The following MATR3 variants were observed in gnomAD, a reference collection of about 807,000 sequenced individuals.
MATR3 encodes matrin-3.
In MATR3, 4 loss-of-function variants were observed where a neutral mutation model predicts 85.5. The observed-to-expected ratio is 0.05, with a 90% CI of 0.02 to 0.11. The LOEUF is 0.11. Ranked by LOEUF, MATR3 falls within the 10% of genes least tolerant of loss-of-function variation. The probability of loss-of-function intolerance (pLI) is 1.00; values close to 1 mark genes in which losing one functional copy is unlikely to be tolerated. For missense variants in MATR3, 685 were observed against 1,016.1 expected, an observed-to-expected ratio of 0.67 and a Z score of 4.43; for synonymous variants, 336 against 343.1, an observed-to-expected ratio of 0.98 and a Z score of 0.23.
chr5:139,289,632 T>A (rs1005672541), upstream of MATR3, among the ~76,000 whole-genome samples: 5 of 152,204 alleles, frequency 3.3e-5, no homozygotes, highest in African/African-American at 1.2e-4. Context: ...GGAAATTATC[T>A]TTCTTCCCTA....
chr5:139,320,240 C>T (rs894662125), intron 9 of MATR3, among the ~76,000 whole-genome samples: 4 of 151,608 alleles, frequency 2.6e-5, no homozygotes, highest in Admixed American at 6.6e-5. Context: ...ACCCGGGAGG[C>T]GGAGCTTGCA....
intron 3 of MATR3, chr5:139,282,730 CTGTT>C (rs1688150648): frequency 6.6e-6 from 1 of 152,206 alleles, no homozygotes; most frequent in Non-Finnish European, 1.5e-5. Context: ...TGTCTTTTGT[CTGTT>C]CTAGGATCCC....
At chr5:139,304,930 A>C in intron 1 of MATR3, among the ~76,000 whole-genome samples, 1 of 152,194 alleles carries the variant, frequency 6.6e-6, no homozygotes, top group Non-Finnish European at 1.5e-5. Flanking sequence ...TGATAGAGGA[A>C]CTGTTTTCAT....
chr5:139,278,512 T>A (rs1331648935), intron 2 of MATR3: 23 of 384,504 alleles, frequency 6.0e-5, no homozygotes, highest in Non-Finnish European at 3.7e-5. Flanking sequence ...TTAACCTGTA[T>A]TTGTAAGATC....
chr5:139,290,569 C>G (rs1201554059), upstream of MATR3, among the ~76,000 whole-genome samples: 1 of 149,978 alleles, frequency 6.7e-6, no homozygotes, highest in African/African-American at 2.5e-5. Context: ...CTACCCCTGC[C>G]CCGGAGTAGC....
At chr5:139,316,277 C>A in intron 5 of MATR3, 89 bp downstream of exon 5, 1 of 968,764 alleles carries the variant, frequency 1.0e-6, no homozygotes, top group Non-Finnish European at 1.6e-6. Context: ...TGGGGTTTTG[C>A]TCTTATCGCC....
chr5:139,317,585 C>G lies in MATR3; in HGVS notation c.1183-11C>G. 2 of 1,595,274 alleles carry G rather than the reference C, an allele frequency of 1.3e-6. No individual in the cohort carries two copies. The highest frequency in any genetic ancestry group is 1.7e-6 in the Non-Finnish European group (2 of 1,166,492). On this transcript the variant is annotated splice_polypyrimidine_tract_variant and intron_variant, in intron 6 of 14. Transcript: ENST00000394805. ...GACTTAATTGCTTGGTTTTTTTCCC[C>G]TAATGGATAGGAAACTAGCAGAGTT...
rs994858084 is a variant in MATR3 at position 139,321,704 on chromosome 5, G to A, written c.1603-194G>A. 2.7e-5 allele frequency: 16 copies of A among 599,542 alleles called. 1 individual carries two copies. In the East Asian group the frequency reaches 4.7e-4, roughly 18 times the overall value. The allele number at this position is 599,542 out of a possible 1,614,324, so 37.1% of individuals were successfully genotyped here. A position where few individuals can be genotyped will look rare whatever the true frequency, so the allele number is the denominator to read the frequency against. ...GGGCTAAGGTGGGAGGATCAGTTGG[G>A]CCCAGTACATCAACGCTTCAGCAAG... is the stretch of plus-strand genomic sequence containing the variant. On this transcript the variant is annotated intron_variant, in intron 9 of 14. Transcript: ENST00000394805.
intron 3 of MATR3, among the ~76,000 whole-genome samples, chr5:139,286,278 A>G (rs1466332140): frequency 6.6e-6 from 1 of 152,104 alleles, no homozygotes; most frequent in Non-Finnish European, 1.5e-5. Context: ...TGCAGACAGC[A>G]TAACATTCAA....
chr5:139,302,483 C>G (rs1754500060), intron 1 of MATR3, among the ~76,000 whole-genome samples: 1 of 151,930 alleles, frequency 6.6e-6, no homozygotes, highest in Non-Finnish European at 1.5e-5. Context: ...ACTTGTAGTA[C>G]TTTTAAAATG....
Position 139,315,549 on chromosome 5 carries a change from C to G in MATR3, c.975-148C>G. 6 of 572,658 alleles carry G rather than the reference C, an allele frequency of 1.0e-5. No individual in the cohort carries two copies. The South Asian group carries it at 1.5e-4, about 14-fold the overall frequency. The allele number at this position is 572,658 out of a possible 1,614,324, so 35.5% of individuals were successfully genotyped here. ...TTCTGAAATTTTTCTTTTGAAATATCTATTGGAAATGCTTTAAAACTATGT... is the reference window on the plus strand; with the variant it reads ...TTCTGAAATTTTTCTTTTGAAATATGTATTGGAAATGCTTTAAAACTATGT... On this transcript the variant is annotated intron_variant, in intron 3 of 14. Transcript: ENST00000394805.
At chr5:139,302,215 G>C (rs1428707055) in intron 1 of MATR3, among the ~76,000 whole-genome samples, 1 of 151,982 alleles carries the variant, frequency 6.6e-6, no homozygotes, top group Non-Finnish European at 1.5e-5. Flanking sequence ...TGCCCGCCTC[G>C]GCCTCCCAAA....
chr5:139,330,944 C>G lies in MATR3; in HGVS notation c.*1549C>G, dbSNP rs1310104626. 2.2e-6 allele frequency: 1 copy of G among 454,058 alleles called. No individual in the cohort carries two copies. Among genetic ancestry groups the G allele is most frequent in the Non-Finnish European group, 4.4e-6 (1 of 226,778 alleles). The allele number at this position is 454,058 out of a possible 1,614,324, so 28.1% of individuals were successfully genotyped here. On this transcript the variant is annotated 3_prime_UTR_variant, in exon 15 of 15. Transcript: ENST00000394805. ...TAGCTGGGACTACAGGCTCATGCCA[C>G]TATACCTGGCTAGTTTTTGGTTTTT...
At chr5:139,315,643 GT>G in intron 3 of MATR3, 53 bp from the exon 4 acceptor site, 1 of 1,232,760 alleles carries the variant, frequency 8.1e-7, no homozygotes, top group Non-Finnish European at 1.2e-6. Flanking sequence ...AAACAAGGCT[GT>G]TTTGTGAAAA....
At position 139,317,567 on chromosome 5, in the gene MATR3, T is replaced by C. The variant is rs202225774; in HGVS notation, c.1183-29T>C. ...TTCATATTGCTTTAAAGAGACTTAA[T>C]TGCTTGGTTTTTTTCCCCTAATGGA... is the stretch of plus-strand genomic sequence containing the variant. On this transcript the variant is annotated intron_variant, in intron 6 of 14. Coordinates refer to ENST00000394805, the MANE Select transcript of MATR3 (RefSeq NM_018834.6). The C allele has an allele frequency of 3.0e-5, 48 of 1,607,696 alleles. No individual in the cohort carries two copies. In the East Asian group the frequency reaches 1.1e-3, roughly 36 times the overall value.
intron 3 of MATR3, among the ~76,000 whole-genome samples, chr5:139,288,021 G>A (rs1165788387): frequency 6.6e-6 from 1 of 152,050 alleles, no homozygotes; most frequent in Non-Finnish European, 1.5e-5. Context: ...CACCAGCCTA[G>A]GCAACATAAT....
intron 1 of MATR3, among the ~76,000 whole-genome samples, chr5:139,304,605 C>CT (rs995434816): frequency 2.4e-4 from 36 of 151,556 alleles, no homozygotes; most frequent in Non-Finnish European, 4.7e-4. Flanking sequence ...CAGGTGCTTT[C>CT]TTTTTTGGAA....
At chr5:139,285,924 A>G (rs1753686625) in intron 3 of MATR3, among the ~76,000 whole-genome samples, 1 of 152,174 alleles carries the variant, frequency 6.6e-6, no homozygotes, top group African/African-American at 2.4e-5. Flanking sequence ...GAACCCATAT[A>G]CGCACTTTGG....
At chr5:139,276,305 C>T (rs1032840676) in intron 2 of MATR3, 2 of 441,626 alleles carry the variant, frequency 4.5e-6, no homozygotes, top group African/African-American at 2.0e-5. Context: ...GTTGACTACC[C>T]CAGGATGCCA....
Sources: allele counts gnomAD v4.1 joint callset (sites outside exome capture counted in the v4.1 genomes callset), GRCh38; gene constraint gnomAD v4.1.1; transcripts MANE v1.5; gene names NCBI Gene and HGNC (gene_info 2026-07-23, HGNC 2026-07-21).